The following ZHX2 variants were observed in gnomAD, a reference collection of about 807,000 sequenced individuals.
ZHX2 encodes the protein zinc fingers and homeoboxes protein 2.
A neutral mutation model predicts 21.9 loss-of-function variants in ZHX2; 6 were observed. The observed-to-expected ratio is 0.27, with a 90% CI of 0.15 to 0.54. The LOEUF (loss-of-function observed/expected upper bound fraction) is 0.54. ZHX2 is among the 20% of genes least tolerant of loss of function. ZHX2 has a pLI of 0.95. For missense variants in ZHX2, 908 were observed against 1,090.7 expected (o/e 0.83, Z 2.36); for synonymous variants, 434 against 437.1 (o/e 0.99, Z 0.09).
intron 2 of ZHX2, among the ~76,000 whole-genome samples, chr8:122,865,365 T>G (rs552958730): frequency 8.0e-4 from 122 of 152,270 alleles, no homozygotes; most frequent in African/African-American, 2.9e-3. Flanking sequence ...CCTGACCTCA[T>G]GATCCGCCCG....
At chr8:122,959,899 G>A (rs1813397952) in intron 3 of ZHX2, among the ~76,000 whole-genome samples, 1 of 152,130 alleles carries the variant, frequency 6.6e-6, no homozygotes, top group African/African-American at 2.4e-5. Context: ...ACTTGTGGAG[G>A]CTTAGCCACC....
At chr8:122,864,869 C>G (rs185067447) in intron 2 of ZHX2, among the ~76,000 whole-genome samples, 5 of 152,306 alleles carry the variant, frequency 3.3e-5, no homozygotes, top group Admixed American at 1.3e-4. Context: ...AATGAGCACA[C>G]GGGTTCCTTT....
chr8:122,814,251 G>A lies in ZHX2; in HGVS notation c.-283+32305G>A, dbSNP rs946694933. Among the ~76,000 whole-genome samples the A allele has an allele frequency of 3.3e-5, 5 of 152,176 alleles. No individual in the cohort carries two copies. The East Asian group carries it at 9.6e-4, about 29-fold the overall frequency. On this transcript the variant is annotated intron_variant, in intron 1 of 3. Transcript: ENST00000314393. Reference sequence around the variant, plus strand: ...TTAAGTAAGCCAGTTGCTAGGATTGGCTCTCTACTAAAAAGATTGTTTTTA... The same window carrying A: ...TTAAGTAAGCCAGTTGCTAGGATTGACTCTCTACTAAAAAGATTGTTTTTA...
intron 1 of ZHX2, among the ~76,000 whole-genome samples, chr8:122,820,410 G>GAA (rs1818119781): frequency 6.6e-6 from 1 of 152,194 alleles, no homozygotes; most frequent in Non-Finnish European, 1.5e-5. Context: ...AGGCGGCCTG[G>GAA]AAAAAATGGC....
At chr8:122,802,237 T>G (rs1817734323) in intron 1 of ZHX2, among the ~76,000 whole-genome samples, 1 of 152,162 alleles carries the variant, frequency 6.6e-6, no homozygotes, top group African/African-American at 2.4e-5. Context: ...TAATTTTTAT[T>G]TTTTTAATAG....
intron 1 of ZHX2, among the ~76,000 whole-genome samples, chr8:122,811,702 G>T (rs533795243): frequency 1.3e-5 from 2 of 152,204 alleles, no homozygotes; most frequent in East Asian, 1.9e-4. Flanking sequence ...CCACTTTCAG[G>T]GGGGAAGAGA....
intron 1 of ZHX2, among the ~76,000 whole-genome samples, chr8:122,802,697 A>G (rs556019812): frequency 6.6e-6 from 1 of 152,342 alleles, no homozygotes; most frequent in African/African-American, 2.4e-5. Context: ...GGAAAGGGAA[A>G]GAGAAAGGGG....
intron 2 of ZHX2, among the ~76,000 whole-genome samples, chr8:122,918,009 A>G (rs1395969185): frequency 2.6e-5 from 4 of 152,180 alleles, no homozygotes; most frequent in African/African-American, 4.8e-5. Context: ...CTTACCTTTC[A>G]TAGCCCTCAA....
chr8:122,973,735 G>C lies in ZHX2; in HGVS notation c.*498G>C, dbSNP rs1020446783. 2 of 152,504 alleles carry C rather than the reference G, an allele frequency of 1.3e-5. No homozygotes were observed. Among genetic ancestry groups the C allele is most frequent in the African/African-American group, 2.4e-5 (1 of 41,380 alleles). The allele number at this position is 152,504 out of a possible 1,614,324, so 9.4% of individuals were successfully genotyped here. On this transcript the variant is annotated 3_prime_UTR_variant, in exon 4 of 4. Coordinates refer to ENST00000314393, the MANE Select transcript of ZHX2 (RefSeq NM_014943.5). ...CATGATATCTACTGGATTTTAAGTA[G>C]GGAGACTTTATTTTTAAAGGTAGGT...
intron 1 of ZHX2, among the ~76,000 whole-genome samples, chr8:122,802,777 C>T (rs1011158048): frequency 6.6e-6 from 1 of 152,160 alleles, no homozygotes; most frequent in African/African-American, 2.4e-5. Context: ...GGGTTGTGTC[C>T]GTCATGGGGG....
At chr8:122,954,157 A>G in intron 3 of ZHX2, 129 bp downstream of exon 3, 1 of 813,658 alleles carries the variant, frequency 1.2e-6, no homozygotes, top group Non-Finnish European at 1.9e-6. Flanking sequence ...CTTGTAATTA[A>G]CAAATAAGAA....
At chr8:122,947,579 G>C (rs1024238438) in intron 2 of ZHX2, among the ~76,000 whole-genome samples, 1 of 152,190 alleles carries the variant, frequency 6.6e-6, no homozygotes, top group African/African-American at 2.4e-5. Flanking sequence ...AAACATCGAA[G>C]TATGATGTCA....
At chr8:122,824,406 T>C (rs1489032809) in intron 1 of ZHX2, among the ~76,000 whole-genome samples, 1 of 152,142 alleles carries the variant, frequency 6.6e-6, no homozygotes, top group Non-Finnish European at 1.5e-5. Flanking sequence ...TGGAGAGATA[T>C]TGTCCAATGA....
At chr8:122,881,969 G>C (rs1363376241) in intron 2 of ZHX2, among the ~76,000 whole-genome samples, 1 of 152,186 alleles carries the variant, frequency 6.6e-6, no homozygotes, top group Non-Finnish European at 1.5e-5. Context: ...GAAGGATACA[G>C]TTTGTTTCCA....
chr8:122,897,537 T>G (rs1820127988), intron 2 of ZHX2, among the ~76,000 whole-genome samples: 1 of 152,234 alleles, frequency 6.6e-6, no homozygotes, highest in African/African-American at 2.4e-5. Flanking sequence ...TTGTTTTGTC[T>G]GTTTATCTTC....
chr8:122,795,208 G>T (rs755951420), intron 1 of ZHX2, among the ~76,000 whole-genome samples: 13 of 152,234 alleles, frequency 8.5e-5, no homozygotes, highest in African/African-American at 3.1e-4. Context: ...GTTGCTGCTC[G>T]CTGCTGCCCC....
chr8:122,792,569 A>C (rs929277978), intron 1 of ZHX2, among the ~76,000 whole-genome samples: 2 of 152,202 alleles, frequency 1.3e-5, no homozygotes, highest in Non-Finnish European at 2.9e-5. Flanking sequence ...AAGTGGATGC[A>C]TCATTTTTAT....
At position 122,952,734 on chromosome 8, in the gene ZHX2, C is replaced by G; in HGVS notation, c.1224C>G (p.Pro408=). The change falls in exon 3 of 4, where the codon CCC becomes CCG. Residue 408 remains proline, a synonymous_variant. Coordinates refer to ENST00000314393, the MANE Select transcript of ZHX2 (RefSeq NM_014943.5). This position sits in a 1 kb window ranked among gnomAD's most constrained non-coding sequence, Gnocchi z 6.9. The stretch of plus-strand genomic sequence containing the variant: ...TCACCAACCATGGCCAGAAGAGACC[C>G]TTGGTGACTCCCCAAGCTGCCCCCG... ...AGVTNHGQKR[P]LVTPQAAPEP... 6.2e-7 allele frequency: 1 copy of G among 1,614,096 alleles called. No homozygotes were observed. The highest frequency in any genetic ancestry group is 8.5e-7 in the Non-Finnish European group (1 of 1,179,996).
chr8:122,907,381 C>T (rs1820375028), intron 2 of ZHX2, among the ~76,000 whole-genome samples: 1 of 152,152 alleles, frequency 6.6e-6, no homozygotes. Context: ...GCATCCAGGC[C>T]ACAGATAGGT....
Sources: allele counts gnomAD v4.1 joint callset (sites outside exome capture counted in the v4.1 genomes callset), GRCh38; gene constraint gnomAD v4.1.1; non-coding constraint Gnocchi (gnomAD v3.1); transcripts MANE v1.5; gene names NCBI Gene and HGNC (gene_info 2026-07-23, HGNC 2026-07-21).